The following DENND4C variants were observed in gnomAD, a reference collection of about 807,000 sequenced individuals.
DENND4C encodes the protein DENN domain containing 4C.
In DENND4C, 108 loss-of-function variants were observed where a neutral mutation model predicts 203.0. The ratio of observed to expected loss-of-function variants is 0.53; its 90% CI spans 0.46 to 0.62. The LOEUF is 0.62. Among genes scored for constraint, DENND4C ranks in the 20% least tolerant of loss-of-function variants. The pLI, the probability that DENND4C is intolerant of heterozygous loss-of-function variation, is 0.00. For missense variants in DENND4C, 2,481 were observed against 2,301.2 expected (o/e 1.08, Z -1.60); for synonymous variants, 871 against 792.4 (o/e 1.10, Z -1.67).
intron 1 of DENND4C, among the ~76,000 whole-genome samples, chr9:19,258,674 A>G (rs1828592378): frequency 7.2e-6 from 1 of 139,662 alleles, no homozygotes; most frequent in South Asian, 2.1e-4. Context: ...TTTTTTTTTA[A>G]AGACAGATTC....
chr9:19,327,885 A>T lies in DENND4C; in HGVS notation c.2121-145A>T, dbSNP rs914314903. ...TCTCTGTATGTTATATCATTTAAAAATTTTGAAAAAGTATTTTTTCTATAT... is the reference window on the plus strand; with the variant it reads ...TCTCTGTATGTTATATCATTTAAAATTTTTGAAAAAGTATTTTTTCTATAT... On this transcript the variant is annotated intron_variant, in intron 15 of 32. Transcript: ENST00000434457. 5.2e-6 allele frequency: 4 copies of T among 774,276 alleles called. No homozygotes were observed. The African/African-American group carries it at 5.4e-5, about 10-fold the overall frequency. 48.0% of individuals were successfully genotyped at this position (774,276 alleles called of 1,614,324 possible). A position where few individuals can be genotyped will look rare whatever the true frequency, so the allele number is the denominator to read the frequency against.
chr9:19,241,064 A>G (rs1308966102), intron 1 of DENND4C, among the ~76,000 whole-genome samples: 1 of 152,198 alleles, frequency 6.6e-6, no homozygotes, highest in East Asian at 1.9e-4. Flanking sequence ...TTACCACGAG[A>G]GGACCTTGCA....
rs370051924 is a variant in DENND4C, at chr9:19,321,105, T to C, written c.1808-3257T>C. 1.1e-4 allele frequency among the ~76,000 whole-genome samples: 16 copies of C among 152,322 alleles called. No individual in the cohort carries two copies. The South Asian group carries it at 3.1e-3, about 30-fold the overall frequency. On this transcript the variant is annotated intron_variant, in intron 12 of 32. Transcript: ENST00000434457. Reference sequence around the variant, plus strand: ...AGCCTGTAAAGGATATTTCATTAGGTAATAGGATCAGATTTGCATTTTTTG... The same window carrying C: ...AGCCTGTAAAGGATATTTCATTAGGCAATAGGATCAGATTTGCATTTTTTG...
chr9:19,251,046 G>A (rs1217752481), intron 1 of DENND4C, among the ~76,000 whole-genome samples: 1 of 152,188 alleles, frequency 6.6e-6, no homozygotes, highest in African/African-American at 2.4e-5. Context: ...CCCTTTGTGG[G>A]GGCTCCCACC....
chr9:19,281,359 C>A (rs920150949), intron 2 of DENND4C, among the ~76,000 whole-genome samples: 1 of 152,006 alleles, frequency 6.6e-6, no homozygotes, highest in Non-Finnish European at 1.5e-5. Context: ...TGTCTGGTGA[C>A]TTAAATGTTT....
chr9:19,300,118 A>G lies in DENND4C; in HGVS notation c.1167-69A>G, dbSNP rs1345853159. On this transcript the variant is annotated intron_variant, in intron 8 of 32. Transcript: ENST00000434457. ...AGACTCTCAATCTGTTGATACTTTAATAAGCAAATCTTAACATATTTCAGC... is the reference window on the plus strand; with the variant it reads ...AGACTCTCAATCTGTTGATACTTTAGTAAGCAAATCTTAACATATTTCAGC... The G allele has an allele frequency of 7.0e-6, 10 of 1,437,570 alleles. No individual in the cohort carries two copies. In the East Asian group the frequency reaches 7.1e-5, roughly 10 times the overall value. The allele number at this position is 1,437,570 out of a possible 1,614,324, so 89.1% of individuals were successfully genotyped here. A position where few individuals can be genotyped will look rare whatever the true frequency, so the allele number is the denominator to read the frequency against.
intron 2 of DENND4C, among the ~76,000 whole-genome samples, chr9:19,282,695 TTTTTCTTTTTTTC>T (rs1564116918): frequency 6.8e-6 from 1 of 147,354 alleles, no homozygotes; most frequent in African/African-American, 2.5e-5. Flanking sequence ...TTTGTTTTTC[TTTTTCTTTTTTTC>T]TTCTCTCTTT....
intron 22 of DENND4C, among the ~76,000 whole-genome samples, chr9:19,344,074 T>C (rs1200271399): frequency 3.3e-5 from 5 of 152,212 alleles, no homozygotes; most frequent in South Asian, 2.1e-4. Flanking sequence ...TTAATTGATA[T>C]GATTATCAGT....
intron 1 of DENND4C, among the ~76,000 whole-genome samples, chr9:19,252,971 C>G (rs1827023992): frequency 6.6e-6 from 1 of 152,172 alleles, no homozygotes; most frequent in Non-Finnish European, 1.5e-5. Flanking sequence ...CTCCTGACCT[C>G]AAATGATCTG....
intron 31 of DENND4C, 151 bp from the exon 32 acceptor site, chr9:19,371,605 T>C (rs980975649): frequency 1.5e-5 from 7 of 475,564 alleles, no homozygotes; most frequent in African/African-American, 1.0e-4. Flanking sequence ...CTCATATAAC[T>C]AACTGTAATG....
At chr9:19,331,066 T>A (rs1819019704) in intron 16 of DENND4C, among the ~76,000 whole-genome samples, 2 of 151,540 alleles carry the variant, frequency 1.3e-5, no homozygotes, top group Non-Finnish European at 2.9e-5. Context: ...TAAAAAAAAA[T>A]AACAAAGAAA....
At chr9:19,333,723 G>A (rs1161206898) in intron 17 of DENND4C, among the ~76,000 whole-genome samples, 1 of 152,142 alleles carries the variant, frequency 6.6e-6, no homozygotes, top group Non-Finnish European at 1.5e-5. Flanking sequence ...CTAAGAAGTA[G>A]ATACTGATAT....
chr9:19,345,902 AT>A lies in DENND4C; in HGVS notation c.3152-15del. The A allele has an allele frequency of 6.4e-7, 1 of 1,558,128 alleles. No homozygotes were observed. The highest frequency in any genetic ancestry group is 8.7e-7 in the Non-Finnish European group (1 of 1,153,950). On this transcript the variant is annotated intron_variant, in intron 22 of 32. Transcript: ENST00000434457. ...CTTGGAAAATAGGTTCATTGTTAAT[AT>A]TTTACTTTCCCTTTTAGGTAGTATA... is the stretch of plus-strand genomic sequence containing the variant.
intron 1 of DENND4C, among the ~76,000 whole-genome samples, chr9:19,242,228 C>A (rs1359794697): frequency 6.6e-6 from 1 of 152,116 alleles, no homozygotes; most frequent in Non-Finnish European, 1.5e-5. Flanking sequence ...ATTTAAGGGT[C>A]CTTTACATCA....
chr9:19,316,936 A>C (rs1162631670), intron 12 of DENND4C, 97 bp downstream of exon 12: 1 of 1,080,688 alleles, frequency 9.3e-7, no homozygotes, highest in Non-Finnish European at 1.3e-6. Context: ...AAATTATTAC[A>C]AATTCACATT....
At chr9:19,299,391 T>C (rs1438325562) in intron 8 of DENND4C, 104 bp downstream of exon 8, 1 of 751,772 alleles carries the variant, frequency 1.3e-6, no homozygotes, top group African/African-American at 1.9e-5. Context: ...ATTGTTATTT[T>C]ACAATTAACT....
intron 30 of DENND4C, among the ~76,000 whole-genome samples, chr9:19,367,838 A>G (rs1414544234): frequency 1.3e-5 from 2 of 152,254 alleles, no homozygotes; most frequent in African/African-American, 4.8e-5. Flanking sequence ...GTACTGATAT[A>G]TGTACAACAC....
chr9:19,293,599 G>A (rs558483474), intron 5 of DENND4C, among the ~76,000 whole-genome samples: 2 of 152,314 alleles, frequency 1.3e-5, no homozygotes, highest in African/African-American at 4.8e-5. Flanking sequence ...AAGGGGATGG[G>A]TATAGTGATA....
intron 26 of DENND4C, 76 bp downstream of exon 26, chr9:19,352,741 C>A: frequency 8.3e-7 from 1 of 1,207,476 alleles, no homozygotes; most frequent in Non-Finnish European, 1.1e-6. Flanking sequence ...GTGAAATATT[C>A]CTGGTATGCT....
Sources: allele counts gnomAD v4.1 joint callset (sites outside exome capture counted in the v4.1 genomes callset), GRCh38; gene constraint gnomAD v4.1.1; transcripts MANE v1.5; gene names NCBI Gene and HGNC (gene_info 2026-07-23, HGNC 2026-07-21).